CCSER1: variants seen among roughly 807,000 people sequenced by gnomAD.
The protein encoded by CCSER1 is serine-rich coiled-coil domain-containing protein 1.
Under a neutral mutation model 82.0 loss-of-function variants are expected in CCSER1, and 41 were observed. The observed-to-expected ratio is 0.50, with a 90% CI of 0.39 to 0.65. The LOEUF is 0.65. Ranked by LOEUF, CCSER1 falls within the 30% of genes least tolerant of loss-of-function variation. The pLI is 0.00. For synonymous variants in CCSER1, 414 were observed against 383.9 expected, an observed-to-expected ratio of 1.08 and a Z score of -0.92; for missense variants, 1,119 against 1,064.2, an observed-to-expected ratio of 1.05 and a Z score of -0.72.
rs562171345 is a variant in CCSER1, at chr4:91,206,386, C to T, written c.2217+120392C>T. 1.4e-4 allele frequency among the ~76,000 whole-genome samples: 22 copies of T among 151,992 alleles called. No individual in the cohort carries two copies. The East Asian group carries it at 2.1e-3, about 15-fold the overall frequency. ...CAATTAGCCTCCTCTGCCTTCAAGGCGCTGAAAAGCGAGGAAAATGTTCTT... is the reference window on the plus strand; with the variant it reads ...CAATTAGCCTCCTCTGCCTTCAAGGTGCTGAAAAGCGAGGAAAATGTTCTT... On this transcript the variant is annotated intron_variant, in intron 10 of 10. Coordinates refer to ENST00000509176, the MANE Select transcript of CCSER1 (RefSeq NM_001145065.2).
At chr4:90,689,593 T>G (rs2149221734) in intron 6 of CCSER1, among the ~76,000 whole-genome samples, 1 of 152,200 alleles carries the variant, frequency 6.6e-6, no homozygotes, top group African/African-American at 2.4e-5. Context: ...TTAGTAGTGT[T>G]ACCCAAATTC....
chr4:90,804,368 A>G (rs1355869135), intron 7 of CCSER1, among the ~76,000 whole-genome samples: 1 of 151,076 alleles, frequency 6.6e-6, no homozygotes, highest in Non-Finnish European at 1.5e-5. Context: ...AGTCTTTGAT[A>G]CATCTTGAGT....
chr4:90,972,198 C>T (rs1311752643), intron 9 of CCSER1, among the ~76,000 whole-genome samples: 1 of 151,778 alleles, frequency 6.6e-6, no homozygotes, highest in Non-Finnish European at 1.5e-5. Context: ...AAAATTGTCT[C>T]TGTTTGCAGA....
At chr4:90,551,270 C>G (rs529994292) in intron 5 of CCSER1, among the ~76,000 whole-genome samples, 1 of 152,138 alleles carries the variant, frequency 6.6e-6, no homozygotes. Flanking sequence ...AAGTCCAAAT[C>G]TCTTCACATG....
chr4:90,977,835 T>A (rs561248345), intron 9 of CCSER1, among the ~76,000 whole-genome samples: 1 of 151,840 alleles, frequency 6.6e-6, no homozygotes, highest in African/African-American at 2.4e-5. Flanking sequence ...GATTAGCTCA[T>A]AAGCAAACAT....
intron 10 of CCSER1, among the ~76,000 whole-genome samples, chr4:91,249,638 T>C (rs1740096242): frequency 6.6e-6 from 1 of 152,302 alleles, no homozygotes; most frequent in African/African-American, 2.4e-5. Flanking sequence ...AAATCTCTTC[T>C]TTTCTTTAAA....
Position 91,230,448 on chromosome 4 carries a change from G to C in CCSER1, c.2217+144454G>C, listed in dbSNP as rs189884474. Among the ~76,000 whole-genome samples, 11 of 151,236 alleles carry C rather than the reference G, an allele frequency of 7.3e-5. No individual in the cohort carries two copies. In the East Asian group the frequency reaches 1.9e-3, roughly 27 times the overall value. ...AAGGTCGACACTAACAAAACTATAT[G>C]CTCAACTAAAAACAAGTGTATGATG... On this transcript the variant is annotated intron_variant, in intron 10 of 10. Coordinates refer to ENST00000509176, the MANE Select transcript of CCSER1 (RefSeq NM_001145065.2).
intron 7 of CCSER1, among the ~76,000 whole-genome samples, chr4:90,801,246 C>A (rs532951933): frequency 5.9e-5 from 9 of 152,028 alleles, no homozygotes; most frequent in Non-Finnish European, 1.0e-4. Flanking sequence ...ATATGTTTTT[C>A]TTTTATTTCA....
intron 10 of CCSER1, among the ~76,000 whole-genome samples, chr4:91,227,891 G>A (rs1478584017): frequency 6.6e-6 from 1 of 152,016 alleles, no homozygotes; most frequent in Non-Finnish European, 1.5e-5. Context: ...GTGTCAAAAA[G>A]TGCAGGCTGT....
intron 3 of CCSER1, among the ~76,000 whole-genome samples, chr4:90,341,249 T>C: frequency 6.6e-6 from 1 of 152,068 alleles, no homozygotes; most frequent in Middle Eastern, 3.2e-3. Context: ...TCAGTGAAAG[T>C]GTTATTTGTT....
intron 1 of CCSER1, among the ~76,000 whole-genome samples, chr4:90,156,326 G>A (rs1413529605): frequency 6.6e-6 from 1 of 152,104 alleles, no homozygotes; most frequent in African/African-American, 2.4e-5. Context: ...GTATGGTGTG[G>A]TGCTGAAAAA....
At chr4:90,241,264 A>G (rs1389323239) in intron 1 of CCSER1, among the ~76,000 whole-genome samples, 2 of 152,182 alleles carry the variant, frequency 1.3e-5, no homozygotes, top group Non-Finnish European at 2.9e-5. Context: ...AGGTGCTATC[A>G]TTTACTTTCA....
intron 5 of CCSER1, among the ~76,000 whole-genome samples, chr4:90,480,132 G>A (rs563351152): frequency 2.0e-4 from 31 of 152,186 alleles, no homozygotes; most frequent in Admixed American, 7.9e-4. Context: ...GGCCAGTGAT[G>A]ATGAGCATTT....
chr4:91,350,674 T>C (rs1748411901), intron 10 of CCSER1, among the ~76,000 whole-genome samples: 1 of 152,088 alleles, frequency 6.6e-6, no homozygotes, highest in Non-Finnish European at 1.5e-5. Context: ...GTTGATAGTT[T>C]AACATTGACA....
chr4:90,148,526 C>G (rs1431707188), intron 1 of CCSER1, among the ~76,000 whole-genome samples: 1 of 151,998 alleles, frequency 6.6e-6, no homozygotes, highest in Non-Finnish European at 1.5e-5. Context: ...TGATCCTGGT[C>G]GTAGAGTAAA....
intron 6 of CCSER1, among the ~76,000 whole-genome samples, chr4:90,710,017 A>G (rs913579608): frequency 6.6e-5 from 9 of 136,524 alleles, no homozygotes; most frequent in Non-Finnish European, 1.2e-4. Context: ...AGTGGTTTTG[A>G]TTTGCATTTC....
chr4:90,884,090 A>G (rs1409751996), intron 8 of CCSER1, among the ~76,000 whole-genome samples: 2 of 152,116 alleles, frequency 1.3e-5, no homozygotes, highest in African/African-American at 4.8e-5. Context: ...TTAAGTATCT[A>G]AGAGACCTCT....
chr4:90,602,796 G>GAGA (rs879289627), intron 5 of CCSER1, among the ~76,000 whole-genome samples: 4 of 152,182 alleles, frequency 2.6e-5, no homozygotes, highest in Non-Finnish European at 5.9e-5. Flanking sequence ...ATTTATCACT[G>GAGA]AGAAGGAACA....
intron 10 of CCSER1, among the ~76,000 whole-genome samples, chr4:91,185,590 C>T (rs1734458014): frequency 6.6e-6 from 1 of 152,266 alleles, no homozygotes; most frequent in Non-Finnish European, 1.5e-5. Flanking sequence ...GCTGGAAATG[C>T]CCAGGTTTAG....
Sources: allele counts gnomAD v4.1 joint callset (sites outside exome capture counted in the v4.1 genomes callset), GRCh38; gene constraint gnomAD v4.1.1; transcripts MANE v1.5; gene names NCBI Gene and HGNC (gene_info 2026-07-23, HGNC 2026-07-21).